The following ATP8B1 variants were observed in gnomAD, a reference collection of about 807,000 sequenced individuals.
ATP8B1 encodes the protein phospholipid-transporting ATPase IC.
ATP8B1 carries 80 observed loss-of-function variants against 149.9 expected under a neutral mutation model. That is an observed-to-expected ratio of 0.53 (90% CI 0.45 to 0.64). ATP8B1 has a LOEUF of 0.64. Among genes scored for constraint, ATP8B1 ranks in the 30% least tolerant of loss-of-function variants. The pLI is 0.00. For missense variants in ATP8B1, 1,247 were observed against 1,552.6 expected (o/e 0.80, Z 3.31); for synonymous variants, 536 against 562.8 (o/e 0.95, Z 0.67).
At chr18:57,705,538 A>C (rs1483164836) in intron 3 of ATP8B1, among the ~76,000 whole-genome samples, 3 of 152,178 alleles carry the variant, frequency 2.0e-5, no homozygotes, top group African/African-American at 7.2e-5. Context: ...TCCCTATAAG[A>C]GGAAAGTTGC....
At chr18:57,760,547 C>A (rs2080139146) in intron 1 of ATP8B1, among the ~76,000 whole-genome samples, 1 of 152,162 alleles carries the variant, frequency 6.6e-6, no homozygotes, top group Non-Finnish European at 1.5e-5. Context: ...CAAGATCCAG[C>A]CCAAAAGTAA....
At chr18:57,735,070 C>T (rs1273401701) in intron 1 of ATP8B1, 1 of 152,316 alleles carries the variant, frequency 6.6e-6, no homozygotes, top group African/African-American at 2.4e-5. Flanking sequence ...GCATTGGAGC[C>T]AGCAAGGGCA....
intron 1 of ATP8B1, among the ~76,000 whole-genome samples, chr18:57,773,697 C>G (rs935721104): frequency 6.6e-6 from 1 of 152,148 alleles, no homozygotes; most frequent in Non-Finnish European, 1.5e-5. Context: ...GGCTTCCTCA[C>G]GTCAGTAAAA....
intron 1 of ATP8B1, among the ~76,000 whole-genome samples, chr18:57,751,453 T>TA (rs2080018103): frequency 7.4e-6 from 1 of 134,270 alleles, no homozygotes; most frequent in African/African-American, 2.6e-5. Flanking sequence ...GATGCTGTCT[T>TA]GAAAAAAAAA....
chr18:57,675,001 G>T lies in ATP8B1; in HGVS notation c.1652C>A (p.Ala551Asp), dbSNP rs1356673393. ...RTDGQLNYQAASPDEGALVNA... is the reference protein window; with the variant it reads ...RTDGQLNYQADSPDEGALVNA... ...TACCAGGGCACCTTCATCGGGAGAG[G>T]CTGCCTGGTAGTTGAGCTGACCTAA... Residue 551 changes from alanine to aspartate, a missense_variant, in exon 16 of 28, where the codon GCC becomes GAC. Ala to Asp is a moderately radical substitution (Grantham distance 126, BLOSUM62 -2). Transcript: ENST00000648908. 2.5e-6 allele frequency: 4 copies of T among 1,614,006 alleles called. No homozygotes were observed. Among genetic ancestry groups the T allele is most frequent in the Non-Finnish European group, 3.4e-6 (4 of 1,180,010 alleles).
intron 1 of ATP8B1, among the ~76,000 whole-genome samples, chr18:57,773,214 A>AAAAG (rs1555655693): frequency 1.3e-5 from 2 of 151,296 alleles, no homozygotes; most frequent in South Asian, 4.2e-4. Flanking sequence ...AAAAAAAAAA[A>AAAAG]AAAAGAAAAG....
At chr18:57,672,988 A>AAT (rs1911355241) in intron 16 of ATP8B1, among the ~76,000 whole-genome samples, 1 of 36,588 alleles carries the variant, frequency 2.7e-5, no homozygotes, top group Non-Finnish European at 5.0e-5. Context: ...CACATATATA[A>AAT]ATACATGTAT....
chr18:57,781,230 G>A (rs895195304), intron 1 of ATP8B1, among the ~76,000 whole-genome samples: 1 of 152,222 alleles, frequency 6.6e-6, no homozygotes, highest in Non-Finnish European at 1.5e-5. Context: ...TTAATACTCA[G>A]AAGTTGGGAC....
At chr18:57,794,248 A>T (rs1266252006) in intron 1 of ATP8B1, among the ~76,000 whole-genome samples, 1 of 152,132 alleles carries the variant, frequency 6.6e-6, no homozygotes, top group Non-Finnish European at 1.5e-5. Flanking sequence ...ATAAACTCAT[A>T]TGAGAGTCTA....
At chr18:57,675,154 T>A (rs1911519077) in intron 15 of ATP8B1, 132 bp from the exon 16 acceptor site, 4 of 865,738 alleles carry the variant, frequency 4.6e-6, no homozygotes, top group Non-Finnish European at 7.2e-6. Context: ...GGAAAACGAG[T>A]CATTGACTTG....
intron 22 of ATP8B1, among the ~76,000 whole-genome samples, chr18:57,658,849 A>C (rs72942297): frequency 0.084 from 12,761 of 152,138 alleles, 846 homozygotes; most frequent in East Asian, 0.33. Flanking sequence ...GTATATTGTT[A>C]TTGATGTGGT....
chr18:57,715,444 G>C (rs1240696858), intron 2 of ATP8B1, among the ~76,000 whole-genome samples: 1 of 152,174 alleles, frequency 6.6e-6, no homozygotes, highest in Admixed American at 6.5e-5. Context: ...GACAGGGGTA[G>C]AAAGTTTATT....
intron 1 of ATP8B1, among the ~76,000 whole-genome samples, chr18:57,800,682 C>G (rs1386160790): frequency 6.6e-6 from 1 of 152,178 alleles, no homozygotes; most frequent in Non-Finnish European, 1.5e-5. Context: ...TTAATTCTTT[C>G]AACAATCCAA....
intron 1 of ATP8B1, among the ~76,000 whole-genome samples, chr18:57,801,184 T>G (rs2080569856): frequency 6.6e-6 from 1 of 152,208 alleles, no homozygotes. Flanking sequence ...AGGTGGCATC[T>G]GTGTTGGACA....
intron 1 of ATP8B1, among the ~76,000 whole-genome samples, chr18:57,782,514 G>A (rs1026102824): frequency 6.6e-6 from 1 of 152,166 alleles, no homozygotes; most frequent in Non-Finnish European, 1.5e-5. Flanking sequence ...GAATCAGCCA[G>A]GTTTATCCCA....
At chr18:57,754,756 A>G (rs2080061772) in intron 1 of ATP8B1, among the ~76,000 whole-genome samples, 1 of 152,218 alleles carries the variant, frequency 6.6e-6, no homozygotes, top group Non-Finnish European at 1.5e-5. Context: ...AATCATTAAT[A>G]GCAAGGGAAA....
chr18:57,756,347 C>G (rs1286720486), intron 1 of ATP8B1, among the ~76,000 whole-genome samples: 1 of 140,704 alleles, frequency 7.1e-6, no homozygotes, highest in South Asian at 2.3e-4. Flanking sequence ...GTCACCCAGG[C>G]TGGAGTGCAG....
chr18:57,656,640 G>T (rs375743286), intron 22 of ATP8B1, among the ~76,000 whole-genome samples: 1 of 151,670 alleles, frequency 6.6e-6, no homozygotes, highest in African/African-American at 2.4e-5. Context: ...GCCTCCCAAA[G>T]TGCTAGGATT....
chr18:57,672,937 GTATATACACA>G (rs1426488290), intron 16 of ATP8B1, among the ~76,000 whole-genome samples: 1 of 18,856 alleles, frequency 5.3e-5, no homozygotes, highest in African/African-American at 1.6e-4. Context: ...TATATAACAT[GTATATACACA>G]TATATACATA....
Sources: allele counts gnomAD v4.1 joint callset (sites outside exome capture counted in the v4.1 genomes callset), GRCh38; gene constraint gnomAD v4.1.1; transcripts MANE v1.5; gene names NCBI Gene and HGNC (gene_info 2026-07-23, HGNC 2026-07-21).